The following MID1 variants were observed in gnomAD, a reference collection of about 807,000 sequenced individuals.
The protein encoded by MID1 is E3 ubiquitin-protein ligase Midline-1.
Under a neutral mutation model 40.4 loss-of-function variants are expected in MID1, and 7 were observed. The observed-to-expected ratio is 0.17, with a 90% CI of 0.10 to 0.33. MID1 has a LOEUF of 0.33. Among genes scored for constraint, MID1 ranks in the 10% least tolerant of loss-of-function variants. MID1 has a pLI of 1.00. For missense variants in MID1, 367 were observed against 558.5 expected (o/e 0.66, Z 3.46); for synonymous variants, 229 against 221.2 (o/e 1.04, Z -0.31).
chrX:10,580,933 T>TAAAA (rs757426965), intron 1 of MID1, among the ~76,000 whole-genome samples: 3 of 58,533 alleles, frequency 5.1e-5, no homozygotes, highest in East Asian at 5.3e-4. Context: ...TGGTGTCCTG[T>TAAAA]AAAAAAAAAA....
At chrX:10,786,072 A>T in intron 1 of MID1, among the ~76,000 whole-genome samples, 1 of 111,750 alleles carries the variant, frequency 8.9e-6, no homozygotes, top group African/African-American at 3.3e-5. Context: ...TACTCACCTG[A>T]CAAAGGGCTA....
intron 1 of MID1, among the ~76,000 whole-genome samples, chrX:10,692,654 T>A (rs1299140510): frequency 8.9e-6 from 1 of 111,877 alleles, no homozygotes; most frequent in Non-Finnish European, 1.9e-5. Context: ...TTTACATTCT[T>A]TTTTTGTAGT....
intron 1 of MID1, chrX:10,589,617 A>C (rs1452299964): frequency 8.9e-6 from 1 of 111,856 alleles, no homozygotes; most frequent in African/African-American, 3.3e-5. Context: ...TCCAAGTGCC[A>C]GTTCCTTCCC....
chrX:10,682,940 G>A (rs1420312116), intron 1 of MID1, among the ~76,000 whole-genome samples: 1 of 111,362 alleles, frequency 9.0e-6, no homozygotes, highest in Non-Finnish European at 1.9e-5. Context: ...TTGGGTGGAA[G>A]TTGATTAAAC....
chrX:10,528,868 C>G (rs1932887960), intron 2 of MID1, among the ~76,000 whole-genome samples: 1 of 112,007 alleles, frequency 8.9e-6, no homozygotes, highest in Admixed American at 9.5e-5. Flanking sequence ...TGACAGAACC[C>G]ACAATAATCT....
At chrX:10,810,696 C>CTGTGTG (rs370482398) in intron 1 of MID1, among the ~76,000 whole-genome samples, 1,283 of 101,040 alleles carry the variant, frequency 0.013, 12 homozygotes, top group Admixed American at 0.022. Context: ...GTTGTTTTCT[C>CTGTGTG]TGTGTGTGTG....
chrX:10,550,535 G>T (rs1013077269), intron 2 of MID1, among the ~76,000 whole-genome samples: 3 of 112,040 alleles, frequency 2.7e-5, no homozygotes, highest in African/African-American at 9.7e-5. Flanking sequence ...GCCACTCAGG[G>T]CATCTGCAGA....
In MID1 at chrX:10,495,610, T is replaced by C. The variant is rs2147321475; in HGVS notation, c.838A>G (p.Ile280Val). ...TTCCCTTCTTTGATCTTGGTTCCAA[T>C]AATCTGTCGTCTTTGCTGAATGATC... ...IEIIQQRRQI[I>V]GTKIKEGKVM... Residue 280 changes from isoleucine to valine, a missense_variant, in exon 4 of 10, where the codon ATT becomes GTT. This residue lies in a region of MID1 where 275 missense variants were observed against 383.1 expected (regional missense o/e 0.72). Transcript: ENST00000317552. The C allele has an allele frequency of 8.3e-7, 1 of 1,207,536 alleles. No homozygotes were observed. The highest frequency in any genetic ancestry group is 1.1e-6 in the Non-Finnish European group (1 of 893,013).
chrX:10,630,061 C>T (rs992379534), intron 1 of MID1, among the ~76,000 whole-genome samples: 3 of 111,933 alleles, frequency 2.7e-5, no homozygotes, highest in African/African-American at 9.7e-5. Context: ...AGCTATAACA[C>T]CCTGAACATG....
chrX:10,465,208 TATATATACACACAC>T (rs1353621117), intron 7 of MID1, among the ~76,000 whole-genome samples: 19 of 65,110 alleles, frequency 2.9e-4, no homozygotes, highest in African/African-American at 1.4e-3. Context: ...TATATATATA[TATATATACACACAC>T]ACACACACAC....
chrX:10,597,571 T>A (rs1361047995), intron 1 of MID1, among the ~76,000 whole-genome samples: 1 of 112,122 alleles, frequency 8.9e-6, no homozygotes, highest in Non-Finnish European at 1.9e-5. Context: ...CTTACTCTTT[T>A]TATGCACAAA....
At chrX:10,503,506 A>G (rs1167874567) in intron 3 of MID1, among the ~76,000 whole-genome samples, 1 of 112,451 alleles carries the variant, frequency 8.9e-6, no homozygotes, top group Non-Finnish European at 1.9e-5. Context: ...TTTAATATTT[A>G]ACATTTTTGA....
chrX:10,699,438 G>C, intron 1 of MID1, among the ~76,000 whole-genome samples: 1 of 112,114 alleles, frequency 8.9e-6, no homozygotes, highest in Non-Finnish European at 1.9e-5. Flanking sequence ...TTTTCTATAA[G>C]GAGTTGTCCT....
At chrX:10,517,696 T>G (rs186298478) in intron 3 of MID1, among the ~76,000 whole-genome samples, 1 of 112,287 alleles carries the variant, frequency 8.9e-6, no homozygotes, top group Non-Finnish European at 1.9e-5. Context: ...CTACTTGCTT[T>G]GTGTACATAC....
At chrX:10,679,433 T>A (rs1321114253) in intron 1 of MID1, among the ~76,000 whole-genome samples, 1 of 112,053 alleles carries the variant, frequency 8.9e-6, no homozygotes, top group Non-Finnish European at 1.9e-5. Context: ...GGTTTACTCA[T>A]CCTCTTATGT....
chrX:10,515,138 G>C (rs1350922462), intron 3 of MID1, among the ~76,000 whole-genome samples: 1 of 112,353 alleles, frequency 8.9e-6, no homozygotes, highest in African/African-American at 3.2e-5. Context: ...TACGGAGAGA[G>C]AATGCTTTGG....
At chrX:10,540,244 T>A (rs1365239408) in intron 2 of MID1, among the ~76,000 whole-genome samples, 1 of 111,776 alleles carries the variant, frequency 8.9e-6, no homozygotes, top group Non-Finnish European at 1.9e-5. Flanking sequence ...TTCTGGATAC[T>A]GCCTGCAGGC....
At chrX:10,637,819 T>A (rs769164244) in intron 1 of MID1, among the ~76,000 whole-genome samples, 1 of 111,185 alleles carries the variant, frequency 9.0e-6, no homozygotes, top group Non-Finnish European at 1.9e-5. Flanking sequence ...AATAGTAATG[T>A]ACAGATGAAC....
intron 1 of MID1, among the ~76,000 whole-genome samples, chrX:10,597,790 T>G (rs774408524): frequency 8.9e-6 from 1 of 111,835 alleles, no homozygotes; most frequent in South Asian, 3.7e-4. Flanking sequence ...CATTTTAAAT[T>G]TATCAACCTT....
Sources: allele counts gnomAD v4.1 joint callset (sites outside exome capture counted in the v4.1 genomes callset), GRCh38; gene constraint gnomAD v4.1.1; regional missense constraint gnomAD v4.1.1; transcripts MANE v1.5; gene names NCBI Gene and HGNC (gene_info 2026-07-23, HGNC 2026-07-21).